Variants in SLC4A10 observed in about 807,000 individuals in gnomAD.
SLC4A10 encodes the protein sodium-driven chloride bicarbonate exchanger.
Under a neutral mutation model 137.7 loss-of-function variants are expected in SLC4A10, and 42 were observed. That is an observed-to-expected ratio of 0.30 (90% CI 0.24 to 0.39). SLC4A10 has a LOEUF of 0.39. Among genes scored for constraint, SLC4A10 ranks in the 10% least tolerant of loss-of-function variants. The pLI is 1.00. For synonymous variants in SLC4A10, 474 were observed against 464.1 expected, an observed-to-expected ratio of 1.02 and a Z score of -0.27; for missense variants, 925 against 1,355.0, an observed-to-expected ratio of 0.68 and a Z score of 4.98.
chr2:161,972,165 C>T (rs1345574972), intron 23 of SLC4A10, among the ~76,000 whole-genome samples: 1 of 152,088 alleles, frequency 6.6e-6, no homozygotes, highest in Non-Finnish European at 1.5e-5. Flanking sequence ...CAGGCTTCAC[C>T]TTTCAGTGGG....
chr2:161,640,010 A>G (rs2105476658), intron 1 of SLC4A10, among the ~76,000 whole-genome samples: 1 of 152,318 alleles, frequency 6.6e-6, no homozygotes, highest in East Asian at 1.9e-4. Flanking sequence ...CAAGAAAGCA[A>G]TTCCATTTAT....
intron 1 of SLC4A10, among the ~76,000 whole-genome samples, chr2:161,660,584 CTTTCT>C (rs750157665): frequency 1.3e-4 from 17 of 130,960 alleles, no homozygotes; most frequent in Admixed American, 1.3e-3. Flanking sequence ...TTCTTTCTTT[CTTTCT>C]TTCTTTCTTT....
rs1440563630 is a variant in SLC4A10 at position 161,767,016 on chromosome 2, A to G, written c.49-3957A>G. The stretch of plus-strand genomic sequence containing the variant: ...CCTCCTTTGTTGAAATGTATCTATA[A>G]TCCTTTACCTGAAAGTACTGATTTG... On this transcript the variant is annotated intron_variant, in intron 1 of 26. Transcript: ENST00000446997. 4.1e-5 allele frequency among the ~76,000 whole-genome samples: 6 copies of G among 145,820 alleles called. No individual in the cohort carries two copies. The Admixed American group carries it at 4.2e-4, about 10-fold the overall frequency.
intron 1 of SLC4A10, among the ~76,000 whole-genome samples, chr2:161,682,916 T>A (rs1391179664): frequency 6.6e-6 from 1 of 152,106 alleles, no homozygotes; most frequent in Non-Finnish European, 1.5e-5. Flanking sequence ...CCTGCATAAT[T>A]TATAATGAAT....
At chr2:161,944,071 T>G (rs1302003652) in intron 16 of SLC4A10, among the ~76,000 whole-genome samples, 1 of 151,944 alleles carries the variant, frequency 6.6e-6, no homozygotes, top group Non-Finnish European at 1.5e-5. Context: ...ATTGTTTTCT[T>G]TTGTTATTGT....
chr2:161,937,660 C>T (rs895810425), intron 15 of SLC4A10, among the ~76,000 whole-genome samples: 5 of 152,102 alleles, frequency 3.3e-5, no homozygotes, highest in South Asian at 2.1e-4. Context: ...AAGAAAGCCC[C>T]GAGATTATAT....
At chr2:161,932,476 A>G (rs751414890) in intron 15 of SLC4A10, among the ~76,000 whole-genome samples, 1 of 152,202 alleles carries the variant, frequency 6.6e-6, no homozygotes, top group South Asian at 2.1e-4. Flanking sequence ...ATTTCAGACT[A>G]TGGACATGCT....
rs138587981 is a variant in SLC4A10 at position 161,761,683 on chromosome 2, T to C, written c.49-9290T>C. On this transcript the variant is annotated intron_variant, in intron 1 of 26. Coordinates refer to ENST00000446997, the MANE Select transcript of SLC4A10 (RefSeq NM_001178015.2). ...CCTTTTATCCTTTAACTAGTAGATG[T>C]TAGGCCCACTAGGAGAGATAGTATT... 6.8e-4 allele frequency among the ~76,000 whole-genome samples: 103 copies of C among 152,242 alleles called. 1 individual carries two copies. The highest frequency in any genetic ancestry group is 2.4e-3 in the African/African-American group (99 of 41,564).
intron 15 of SLC4A10, among the ~76,000 whole-genome samples, chr2:161,920,339 A>G (rs1687902518): frequency 6.6e-6 from 1 of 152,208 alleles, no homozygotes; most frequent in Non-Finnish European, 1.5e-5. Flanking sequence ...CATTAACCCA[A>G]TTAGTGGCCT....
intron 1 of SLC4A10, among the ~76,000 whole-genome samples, chr2:161,689,664 G>T (rs1205660127): frequency 1.3e-5 from 2 of 152,018 alleles, no homozygotes; most frequent in Admixed American, 6.6e-5. Flanking sequence ...ATTAATATTT[G>T]GAAATCATAA....
intron 3 of SLC4A10, among the ~76,000 whole-genome samples, chr2:161,835,594 C>G (rs2058716823): frequency 6.6e-6 from 1 of 152,134 alleles, no homozygotes; most frequent in Non-Finnish European, 1.5e-5. Flanking sequence ...TGGTAATCAT[C>G]AAATTAGAAA....
chr2:161,643,452 A>G (rs1406969824), intron 1 of SLC4A10, among the ~76,000 whole-genome samples: 1 of 152,126 alleles, frequency 6.6e-6, no homozygotes, highest in Non-Finnish European at 1.5e-5. Flanking sequence ...GGCTACTTTT[A>G]GTTCAATTTG....
chr2:161,880,174 C>A, intron 9 of SLC4A10, among the ~76,000 whole-genome samples: 1 of 152,192 alleles, frequency 6.6e-6, no homozygotes, highest in East Asian at 1.9e-4. Flanking sequence ...TTTAGGGCCC[C>A]GTTCCCATAT....
chr2:161,825,472 T>C (rs114425013), intron 3 of SLC4A10, among the ~76,000 whole-genome samples: 2,667 of 152,310 alleles, frequency 0.018, 82 homozygotes, highest in African/African-American at 0.06. Context: ...TCTGCGTTAC[T>C]ATTTATTCCT....
intron 24 of SLC4A10, 62 bp from the exon 25 acceptor site, chr2:161,976,698 A>G (rs1699430148): frequency 1.3e-6 from 1 of 778,786 alleles, no homozygotes; most frequent in Non-Finnish European, 2.0e-6. Context: ...AGTTTCTGTC[A>G]TTGAAAAACT....
At chr2:161,732,012 C>G (rs2046870134) in intron 1 of SLC4A10, among the ~76,000 whole-genome samples, 1 of 152,058 alleles carries the variant, frequency 6.6e-6, no homozygotes, top group African/African-American at 2.4e-5. Context: ...GCAAAAGATA[C>G]CAATGAAGAG....
intron 2 of SLC4A10, among the ~76,000 whole-genome samples, chr2:161,790,309 G>A (rs1192961846): frequency 2.0e-5 from 3 of 152,084 alleles, no homozygotes; most frequent in Admixed American, 1.3e-4. Context: ...TTTTATTATA[G>A]CCTCATGTTC....
At chr2:161,711,567 C>A (rs1269796887) in intron 1 of SLC4A10, among the ~76,000 whole-genome samples, 1 of 151,708 alleles carries the variant, frequency 6.6e-6, no homozygotes, top group Non-Finnish European at 1.5e-5. Flanking sequence ...CTGAAAGTTG[C>A]AGGAAGGTGG....
intron 21 of SLC4A10, among the ~76,000 whole-genome samples, 173 bp downstream of exon 21, chr2:161,958,728 T>C (rs1374511922): frequency 6.6e-6 from 1 of 152,198 alleles, no homozygotes; most frequent in Non-Finnish European, 1.5e-5. Context: ...CTCTCCAGCA[T>C]CTAAGGTTCA....
Sources: allele counts gnomAD v4.1 joint callset (sites outside exome capture counted in the v4.1 genomes callset), GRCh38; gene constraint gnomAD v4.1.1; transcripts MANE v1.5; gene names NCBI Gene and HGNC (gene_info 2026-07-23, HGNC 2026-07-21).